PAFAH2: variants seen among roughly 807,000 people sequenced by gnomAD.
PAFAH2 encodes the protein platelet-activating factor acetylhydrolase 2, cytoplasmic.
In PAFAH2, 42 loss-of-function variants were observed where a neutral mutation model predicts 49.0. The observed-to-expected ratio is 0.86, with a 90% CI of 0.67 to 1.11. The LOEUF is 1.11. PAFAH2 is among the 50% of genes least tolerant of loss of function. The pLI, the probability that PAFAH2 is intolerant of heterozygous loss-of-function variation, is 0.00. For missense variants in PAFAH2, 503 were observed against 501.8 expected (o/e 1.00, Z -0.02); for synonymous variants, 184 against 181.3 (o/e 1.01, Z -0.12).
chr1:25,974,729 G>A, intron 8 of PAFAH2, 79 bp from the exon 9 acceptor site: 2 of 1,384,554 alleles, frequency 1.4e-6, no homozygotes, highest in East Asian at 2.4e-5. Flanking sequence ...GAAGGGCGGA[G>A]TTCCTCCCTC....
chr1:25,971,952 G>A (rs769182885), intron 10 of PAFAH2, among the ~76,000 whole-genome samples: 25 of 152,176 alleles, frequency 1.6e-4, no homozygotes, highest in Non-Finnish European at 3.1e-4. Flanking sequence ...TAAGGAGAGA[G>A]GTGGTGGAGT....
intron 4 of PAFAH2, among the ~76,000 whole-genome samples, chr1:25,987,541 G>A (rs1261584002): frequency 6.6e-6 from 1 of 152,004 alleles, no homozygotes; most frequent in South Asian, 2.1e-4. Context: ...TCTCTTATTC[G>A]CTACTACGCC....
chr1:25,966,964 G>A (rs566464890), intron 10 of PAFAH2, among the ~76,000 whole-genome samples: 49 of 150,976 alleles, frequency 3.2e-4, no homozygotes, highest in African/African-American at 9.7e-4. Context: ...CCTGGGAGGC[G>A]GAGCTTGCAG....
chr1:25,981,117 T>C (rs2049681900), intron 7 of PAFAH2, among the ~76,000 whole-genome samples: 1 of 152,074 alleles, frequency 6.6e-6, no homozygotes, highest in African/African-American at 2.4e-5. Context: ...TTTTAAATCA[T>C]GCCATACAAA....
chr1:25,962,975 A>T (rs2049361553), intron 10 of PAFAH2, among the ~76,000 whole-genome samples: 1 of 152,178 alleles, frequency 6.6e-6, no homozygotes, highest in Non-Finnish European at 1.5e-5. Flanking sequence ...AACATCATGG[A>T]GCAGCGAAAC....
chr1:25,963,648 CAT>C, intron 10 of PAFAH2, among the ~76,000 whole-genome samples: 1 of 152,288 alleles, frequency 6.6e-6, no homozygotes. Context: ...GGACTACAGG[CAT>C]GCACCACCAC....
At chr1:25,997,976 C>T (rs1046268642) in intron 1 of PAFAH2, 49 bp downstream of exon 1, 3 of 152,240 alleles carry the variant, frequency 2.0e-5, no homozygotes, top group Non-Finnish European at 4.4e-5. Flanking sequence ...ATACAAAAGT[C>T]TGCAGGAAGC....
At chr1:25,985,092 C>G (rs557774249) in intron 4 of PAFAH2, among the ~76,000 whole-genome samples, 2 of 151,956 alleles carry the variant, frequency 1.3e-5, no homozygotes, top group Non-Finnish European at 2.9e-5. Context: ...CTCCTGACCT[C>G]GTGATCCGCC....
intron 4 of PAFAH2, among the ~76,000 whole-genome samples, chr1:25,987,758 C>T (rs1309790891): frequency 6.6e-6 from 1 of 151,184 alleles, no homozygotes; most frequent in Non-Finnish European, 1.5e-5. Flanking sequence ...CGTGGTGGTA[C>T]GTGCCAGCTA....
chr1:25,971,993 G>A (rs1297092254), intron 10 of PAFAH2, among the ~76,000 whole-genome samples: 2 of 152,140 alleles, frequency 1.3e-5, no homozygotes, highest in East Asian at 3.9e-4. Context: ...TTTACAGGGA[G>A]GAAACCAAGG....
Position 25,976,784 on chromosome 1 carries a change from T to C in PAFAH2, c.667-11A>G. On this transcript the variant is annotated splice_polypyrimidine_tract_variant and intron_variant, in intron 7 of 10. Transcript: ENST00000374282. ...CATGTCAATGTTGCCCTGAGGAAAG[T>C]GGAGAACTTAGCCAAGTCAGAAACT... 6.2e-7 allele frequency: 1 copy of C among 1,610,568 alleles called. No homozygotes were observed. The highest frequency in any genetic ancestry group is 8.5e-7 in the Non-Finnish European group (1 of 1,176,992).
chr1:25,970,003 G>A (rs897179999), intron 10 of PAFAH2, among the ~76,000 whole-genome samples: 15 of 152,160 alleles, frequency 9.9e-5, no homozygotes, highest in African/African-American at 3.4e-4. Context: ...CTCACGATGT[G>A]TAAGATGAAA....
At chr1:25,981,963 G>A (rs1005747146) in intron 7 of PAFAH2, among the ~76,000 whole-genome samples, 3 of 151,750 alleles carry the variant, frequency 2.0e-5, no homozygotes, top group Non-Finnish European at 4.4e-5. Context: ...GGAGGTTGCA[G>A]TAAGCCAAGA....
chr1:25,978,597 A>T (rs1173269309), intron 7 of PAFAH2, among the ~76,000 whole-genome samples: 2 of 152,228 alleles, frequency 1.3e-5, no homozygotes, highest in African/African-American at 2.4e-5. Flanking sequence ...ACAGAATGTG[A>T]GCAAAAGTGA....
chr1:25,983,556 C>CAAAAAAAAAAA (rs201703484), intron 6 of PAFAH2, among the ~76,000 whole-genome samples: 1 of 64,274 alleles, frequency 1.6e-5, no homozygotes, highest in Admixed American at 2.1e-4. Flanking sequence ...GATCCTGTCT[C>CAAAAAAAAAAA]AAAAACAAAA....
chr1:25,962,009 G>A lies in PAFAH2; in HGVS notation c.1159C>T (p.His387Tyr), dbSNP rs1205256862. 2.5e-6 allele frequency: 4 copies of A among 1,613,194 alleles called. No individual in the cohort carries two copies. In the African/African-American group the frequency reaches 5.3e-5, roughly 22 times the overall value. The change falls in exon 11 of 11, where the codon CAC (histidine) becomes TAC (tyrosine). Residue 387 changes from histidine to tyrosine, a missense_variant. Physicochemically the swap from His to Tyr is moderately conservative, Grantham distance 83. Coordinates refer to ENST00000374282, the MANE Select transcript of PAFAH2 (RefSeq NM_000437.4). The part of the protein sequence containing the change: ...IGPSLTPGAP[H>Y]HLSSL The stretch of plus-strand genomic sequence containing the variant: ...TGTGCCTACAGGCTGGACAGATGGT[G>A]GGGGGCCCCTGGGGTGAGCGACGGT...
chr1:25,975,714 T>C (rs1383511712), intron 8 of PAFAH2, among the ~76,000 whole-genome samples: 1 of 152,178 alleles, frequency 6.6e-6, no homozygotes, highest in Non-Finnish European at 1.5e-5. Context: ...TGATGTAAAT[T>C]TATCATCTTT....
In PAFAH2 at chr1:25,976,766, A is replaced by G. The variant is rs756749036; in HGVS notation, c.674T>C (p.Ile225Thr). Residue 225 changes from isoleucine to threonine, a missense_variant, in exon 8 of 11, where the codon ATT becomes ACT. Ile to Thr is a moderately conservative substitution (Grantham distance 89). Coordinates refer to ENST00000374282, the MANE Select transcript of PAFAH2 (RefSeq NM_000437.4). ...GLDLMTLKGNIDMSRVAVMGH... is the reference protein window; with the variant it reads ...GLDLMTLKGNTDMSRVAVMGH... ...CATCACAGCCACACGGCTCATGTCA[A>G]TGTTGCCCTGAGGAAAGTGGAGAAC... 38 of 1,613,836 alleles carry G rather than the reference A, an allele frequency of 2.4e-5. No individual in the cohort carries two copies. Among genetic ancestry groups the G allele is most frequent in the Non-Finnish European group, 2.9e-5 (34 of 1,179,818 alleles).
At chr1:25,967,565 C>G (rs2049445792) in intron 10 of PAFAH2, among the ~76,000 whole-genome samples, 1 of 152,090 alleles carries the variant, frequency 6.6e-6, no homozygotes, top group Non-Finnish European at 1.5e-5. Flanking sequence ...TTATCAGAAG[C>G]TGCAGAGAGT....
Sources: gnomAD v4.1 joint callset for allele counts (sites outside exome capture counted in the v4.1 genomes callset) on GRCh38, gnomAD v4.1.1 for gene constraint, MANE v1.5 for transcripts, NCBI Gene and HGNC (gene_info 2026-07-23, HGNC 2026-07-21) for gene names.